Variants in TLN2 observed in about 807,000 individuals in gnomAD.
The protein encoded by TLN2 is talin 2.
Under a neutral mutation model 294.7 loss-of-function variants are expected in TLN2, and 118 were observed. The ratio of observed to expected loss-of-function variants is 0.40; its 90% CI spans 0.34 to 0.47. TLN2 has a LOEUF of 0.47. Among genes scored for constraint, TLN2 ranks in the 20% least tolerant of loss-of-function variants. TLN2 has a pLI of 0.84. For synonymous variants in TLN2, 1,431 were observed against 1,304.5 expected (o/e 1.10, Z -2.09); for missense variants, 3,083 against 3,282.2 (o/e 0.94, Z 1.48).
At chr15:62,652,241 A>T in intron 6 of TLN2, 107 bp downstream of exon 6, 1 of 1,263,832 alleles carries the variant, frequency 7.9e-7, no homozygotes, top group South Asian at 2.6e-5. Context: ...AATGTGTCTT[A>T]ACACGCCGAG....
chr15:62,820,840 G>C (rs1449146620), intron 54 of TLN2, among the ~76,000 whole-genome samples: 4 of 152,154 alleles, frequency 2.6e-5, no homozygotes, highest in Non-Finnish European at 5.9e-5. Flanking sequence ...AGTATCCAAA[G>C]GAAGAATTGG....
intron 1 of TLN2, among the ~76,000 whole-genome samples, chr15:62,436,683 A>G (rs1566970066): frequency 1.3e-5 from 2 of 152,118 alleles, no homozygotes; most frequent in Non-Finnish European, 2.9e-5. Context: ...AGAGTTGTGT[A>G]TGGCTTGGTT....
Position 62,708,281 on chromosome 15 carries a change from C to T in TLN2, c.2173-221C>T, listed in dbSNP as rs564908852. ...CTAATGAAGTTATAAATTAGTGGGACATGTCAAATCACAAGGATGAAGTAG... is the reference window on the plus strand; with the variant it reads ...CTAATGAAGTTATAAATTAGTGGGATATGTCAAATCACAAGGATGAAGTAG... On this transcript the variant is annotated intron_variant, in intron 20 of 58. Coordinates refer to ENST00000636159, the MANE Select transcript of TLN2 (RefSeq NM_015059.3). Among the ~76,000 whole-genome samples the T allele has an allele frequency of 2.6e-4, 39 of 152,238 alleles. No individual in the cohort carries two copies. In the East Asian group the frequency reaches 4.6e-3, roughly 18 times the overall value.
chr15:62,687,460 T>C (rs1241328595), intron 12 of TLN2, among the ~76,000 whole-genome samples: 1 of 152,238 alleles, frequency 6.6e-6, no homozygotes, highest in African/African-American at 2.4e-5. Context: ...ATATGTTTGT[T>C]TCAGGTCTTC....
At chr15:62,691,294 A>G (rs375703046) in intron 12 of TLN2, among the ~76,000 whole-genome samples, 3 of 151,826 alleles carry the variant, frequency 2.0e-5, no homozygotes, top group Non-Finnish European at 4.4e-5. Flanking sequence ...TCTTTTCTCT[A>G]TATTGTTCAG....
At chr15:62,571,340 C>T (rs1048760304) in intron 1 of TLN2, among the ~76,000 whole-genome samples, 3 of 152,180 alleles carry the variant, frequency 2.0e-5, no homozygotes, top group South Asian at 2.1e-4. Context: ...GTCAAGGTGA[C>T]GTGCTCTTTG....
intron 28 of TLN2, among the ~76,000 whole-genome samples, chr15:62,735,751 T>A (rs2060975731): frequency 6.6e-6 from 1 of 152,200 alleles, no homozygotes; most frequent in Non-Finnish European, 1.5e-5. Flanking sequence ...AGAGAAGTGA[T>A]CCCATATGGC....
At chr15:62,474,598 A>G (rs1465739502) in intron 1 of TLN2, among the ~76,000 whole-genome samples, 1 of 152,196 alleles carries the variant, frequency 6.6e-6, no homozygotes, top group Non-Finnish European at 1.5e-5. Context: ...CTATGATTGC[A>G]CCATTGTCCT....
intron 39 of TLN2, 187 bp from the exon 40 acceptor site, chr15:62,763,376 G>A: frequency 3.4e-6 from 2 of 585,110 alleles, no homozygotes; most frequent in South Asian, 2.9e-5. Flanking sequence ...GTTATCTGAA[G>A]TGTTAAATTA....
chr15:62,464,694 T>A (rs2037013458), intron 1 of TLN2, among the ~76,000 whole-genome samples: 2 of 151,902 alleles, frequency 1.3e-5, no homozygotes, highest in South Asian at 4.2e-4. Context: ...AAAATTTTGG[T>A]GTTGTTGGGT....
chr15:62,702,406 C>G (rs920066132), intron 18 of TLN2, among the ~76,000 whole-genome samples: 3 of 152,222 alleles, frequency 2.0e-5, no homozygotes, highest in Admixed American at 6.5e-5. Flanking sequence ...AGGCCTCCCC[C>G]TCAAGGGTAC....
intron 1 of TLN2, among the ~76,000 whole-genome samples, chr15:62,402,116 A>G (rs1008701932): frequency 2.6e-5 from 4 of 152,228 alleles, no homozygotes; most frequent in African/African-American, 9.6e-5. Context: ...TGATGACCCA[A>G]TACAAACACA....
At chr15:62,777,848 T>A (rs8039630) in intron 43 of TLN2, among the ~76,000 whole-genome samples, 149,657 of 152,334 alleles carry the variant, frequency 0.98, 73,564 homozygotes, top group Middle Eastern at 1. Context: ...CTGGAGACAG[T>A]TTCAACTCCA....
chr15:62,737,045 A>G lies in TLN2; in HGVS notation c.3526A>G (p.Ile1176Val). ...CATTCAAGAGGCCAAGCAGGCCCTG[A>G]TTGCACCTGGAGATGCAGAGCGTCA... is the stretch of plus-strand genomic sequence containing the variant. ...MLIQEAKQALIAPGDAERQQR... is the reference protein window; with the variant it reads ...MLIQEAKQALVAPGDAERQQR... The change falls in exon 29 of 59, where the codon ATT becomes GTT. Residue 1176 changes from isoleucine to valine, a missense_variant. By Grantham distance (29) the Ile-to-Val change is conservative. Coordinates refer to ENST00000636159, the MANE Select transcript of TLN2 (RefSeq NM_015059.3). 6.2e-7 allele frequency: 1 copy of G among 1,614,216 alleles called. No individual in the cohort carries two copies. The highest frequency in any genetic ancestry group is 8.5e-7 in the Non-Finnish European group (1 of 1,180,040).
At chr15:62,507,456 C>T (rs546476108) in intron 1 of TLN2, among the ~76,000 whole-genome samples, 1 of 152,304 alleles carries the variant, frequency 6.6e-6, no homozygotes, top group South Asian at 2.1e-4. Flanking sequence ...GCTGGTCCTT[C>T]TTTGGGCAGC....
chr15:62,650,339 TC>T (rs1315805487), intron 5 of TLN2, among the ~76,000 whole-genome samples, 158 bp downstream of exon 5: 1 of 152,224 alleles, frequency 6.6e-6, no homozygotes. Flanking sequence ...ATAGAAAATG[TC>T]AGATATCCAA....
chr15:62,833,738 C>T (rs2069135001), intron 55 of TLN2, 109 bp downstream of exon 55: 1 of 1,424,858 alleles, frequency 7.0e-7, no homozygotes, highest in Non-Finnish European at 9.3e-7. Context: ...ACATGCAGTG[C>T]CTTCCCTCCC....
intron 1 of TLN2, among the ~76,000 whole-genome samples, chr15:62,392,864 A>C (rs566244207): frequency 6.6e-6 from 1 of 152,212 alleles, no homozygotes; most frequent in East Asian, 1.9e-4. Context: ...CGCCTGCAAA[A>C]GTGACTCCGA....
chr15:62,651,975 T>A (rs781314160), intron 5 of TLN2, 30 bp from the exon 6 acceptor site: 2 of 1,548,324 alleles, frequency 1.3e-6, no homozygotes, highest in Admixed American at 3.7e-5. Flanking sequence ...CCCCACACAG[T>A]GTGAAATTTG....
Sources: allele counts gnomAD v4.1 joint callset (sites outside exome capture counted in the v4.1 genomes callset), GRCh38; gene constraint gnomAD v4.1.1; transcripts MANE v1.5; gene names NCBI Gene and HGNC (gene_info 2026-07-23, HGNC 2026-07-21).